MEOX2: variants seen among roughly 807,000 people sequenced by gnomAD.
MEOX2 encodes mesenchyme homeobox 2, also known as homeobox protein MOX-2.
Under a neutral mutation model 27.0 loss-of-function variants are expected in MEOX2, and 11 were observed. The ratio of observed to expected loss-of-function variants is 0.41; its 90% confidence interval spans 0.26 to 0.68. MEOX2 has a LOEUF of 0.68. MEOX2 is among the 30% of genes least tolerant of loss of function. The pLI, the probability that MEOX2 is intolerant of heterozygous loss-of-function variation, is 0.33. For missense variants in MEOX2, 436 were observed against 385.4 expected (o/e 1.13, Z -1.10); for synonymous variants, 189 against 155.4 (o/e 1.22, Z -1.61).
chr7:15,631,925 T>TGTGTGTGTGTGTGTGTGTGTGTGC (rs1781410178), intron 1 of MEOX2, among the ~76,000 whole-genome samples: 1 of 151,168 alleles, frequency 6.6e-6, no homozygotes, highest in Non-Finnish European at 1.5e-5. Context: ...TGTGTGTGTG[T>TGTGTGTGTGTGTGTGTGTGTGTGC]GTGTGTGGAG....
chr7:15,646,763 G>A (rs1311667514), intron 1 of MEOX2, among the ~76,000 whole-genome samples: 3 of 151,862 alleles, frequency 2.0e-5, no homozygotes, highest in African/African-American at 7.2e-5. Flanking sequence ...TAAAACTAAT[G>A]TTCAGAATAT....
intron 1 of MEOX2, chr7:15,679,424 AAACATACGTCT>A (rs1359324281): frequency 6.6e-6 from 1 of 152,142 alleles, no homozygotes; most frequent in Admixed American, 6.6e-5. Flanking sequence ...AAGCTTTAAG[AAACATACGTCT>A]AACATCTTAG....
At chr7:15,616,834 T>C (rs1243471955) in intron 2 of MEOX2, among the ~76,000 whole-genome samples, 1 of 151,930 alleles carries the variant, frequency 6.6e-6, no homozygotes, top group Non-Finnish European at 1.5e-5. Context: ...ACCTGTACTG[T>C]GTTAGATCAA....
chr7:15,638,713 C>T (rs1424415842), intron 1 of MEOX2, among the ~76,000 whole-genome samples: 1 of 151,994 alleles, frequency 6.6e-6, no homozygotes, highest in African/African-American at 2.4e-5. Flanking sequence ...TTAGCTTCCA[C>T]TTGTAAGTGA....
intron 1 of MEOX2, among the ~76,000 whole-genome samples, chr7:15,664,299 C>A (rs1781963356): frequency 6.6e-6 from 1 of 152,112 alleles, no homozygotes; most frequent in Non-Finnish European, 1.5e-5. Context: ...GCTTTTTGAT[C>A]TTTCTAGTTG....
chr7:15,676,392 G>A (rs1428198364), intron 1 of MEOX2, among the ~76,000 whole-genome samples: 2 of 152,072 alleles, frequency 1.3e-5, no homozygotes, highest in Non-Finnish European at 2.9e-5. Flanking sequence ...AAAAATAACA[G>A]AGCAACAATA....
chr7:15,662,593 G>A (rs1402467117), intron 1 of MEOX2, among the ~76,000 whole-genome samples: 6 of 152,046 alleles, frequency 3.9e-5, no homozygotes, highest in Non-Finnish European at 7.4e-5. Flanking sequence ...TCAAGGTTGA[G>A]TAATGCATTC....
intron 1 of MEOX2, among the ~76,000 whole-genome samples, chr7:15,657,126 G>A (rs1781834341): frequency 6.6e-6 from 1 of 151,966 alleles, no homozygotes; most frequent in South Asian, 2.1e-4. Context: ...TATTTTCTTT[G>A]TCTTTAGTTT....
intron 2 of MEOX2, among the ~76,000 whole-genome samples, chr7:15,620,085 T>C (rs1781196359): frequency 6.6e-6 from 1 of 152,094 alleles, no homozygotes. Context: ...CAGGAATGTC[T>C]CTTTATATTT....
At chr7:15,624,028 A>G (rs1191963818) in intron 2 of MEOX2, among the ~76,000 whole-genome samples, 1 of 152,204 alleles carries the variant, frequency 6.6e-6, no homozygotes, top group Non-Finnish European at 1.5e-5. Context: ...ATTATTTCAT[A>G]CCCATTATGA....
At chr7:15,650,225 C>G (rs892753744) in intron 1 of MEOX2, among the ~76,000 whole-genome samples, 5 of 151,968 alleles carry the variant, frequency 3.3e-5, no homozygotes, top group African/African-American at 1.2e-4. Context: ...TAAATTGCAC[C>G]ACAATTTTCC....
At chr7:15,628,410 C>T (rs976166549) in intron 1 of MEOX2, among the ~76,000 whole-genome samples, 9 of 152,114 alleles carry the variant, frequency 5.9e-5, no homozygotes, top group African/African-American at 2.2e-4. Context: ...CACCTTGGCA[C>T]ACTGACCATT....
At chr7:15,646,190 C>T (rs1311222552) in intron 1 of MEOX2, among the ~76,000 whole-genome samples, 1 of 152,030 alleles carries the variant, frequency 6.6e-6, no homozygotes, top group African/African-American at 2.4e-5. Flanking sequence ...TTAGTTTACT[C>T]CCTGACTTCC....
chr7:15,650,364 A>G (rs1364181400), intron 1 of MEOX2, among the ~76,000 whole-genome samples: 2 of 152,064 alleles, frequency 1.3e-5, no homozygotes, highest in African/African-American at 2.4e-5. Context: ...CAGATTCAGC[A>G]TCTTGTGCTA....
intron 2 of MEOX2, among the ~76,000 whole-genome samples, chr7:15,616,015 T>G (rs1284109643): frequency 6.6e-6 from 1 of 151,926 alleles, no homozygotes; most frequent in Admixed American, 6.6e-5. Flanking sequence ...TTATGGCCTA[T>G]TTTGTGTTGT....
At chr7:15,683,165 T>C (rs759705873) in intron 1 of MEOX2, among the ~76,000 whole-genome samples, 2 of 152,006 alleles carry the variant, frequency 1.3e-5, no homozygotes, top group Non-Finnish European at 2.9e-5. Flanking sequence ...ATTTAAGCTG[T>C]TTTTCAATAC....
chr7:15,643,052 G>A (rs147230771), intron 1 of MEOX2, among the ~76,000 whole-genome samples: 3 of 152,240 alleles, frequency 2.0e-5, no homozygotes, highest in South Asian at 2.1e-4. Context: ...CAATTATATT[G>A]GGTCATGCAG....
chr7:15,622,141 C>T (rs1562595816), intron 2 of MEOX2, among the ~76,000 whole-genome samples: 2 of 152,080 alleles, frequency 1.3e-5, no homozygotes, highest in East Asian at 3.9e-4. Flanking sequence ...CAAACAAAAG[C>T]AATCTTATTA....
chr7:15,658,037 C>A (rs1781851384), intron 1 of MEOX2, among the ~76,000 whole-genome samples: 1 of 152,212 alleles, frequency 6.6e-6, no homozygotes, highest in Non-Finnish European at 1.5e-5. Flanking sequence ...CTGATAATGC[C>A]ACCTTAGCTG....
Sources: gnomAD v4.1 joint callset for allele counts (sites outside exome capture counted in the v4.1 genomes callset) on GRCh38, gnomAD v4.1.1 for gene constraint, MANE v1.5 for transcripts, NCBI Gene and HGNC (gene_info 2026-07-23, HGNC 2026-07-21) for gene names.